The following KIF5C variants were observed in gnomAD, a reference collection of about 807,000 sequenced individuals.
KIF5C encodes kinesin family member 5C.
KIF5C carries 18 observed loss-of-function variants against 125.2 expected under a neutral mutation model. The ratio of observed to expected loss-of-function variants is 0.14; its 90% confidence interval spans 0.10 to 0.21. The LOEUF (loss-of-function observed/expected upper bound fraction) is 0.21, where lower values mean the gene tolerates loss of function less well. KIF5C is among the 10% of genes least tolerant of loss of function. KIF5C has a pLI of 1.00. For missense variants in KIF5C, 780 were observed against 1,183.8 expected, an observed-to-expected ratio of 0.66 and a Z score of 5.01; for synonymous variants, 405 against 434.0, an observed-to-expected ratio of 0.93 and a Z score of 0.83.
chr2:149,003,138 AG>A (rs1466437935), intron 21 of KIF5C, among the ~76,000 whole-genome samples: 1 of 152,178 alleles, frequency 6.6e-6, no homozygotes, highest in East Asian at 1.9e-4. Flanking sequence ...GGAGCCCTGC[AG>A]TGTATGCCGT....
intron 11 of KIF5C, among the ~76,000 whole-genome samples, chr2:148,970,250 A>G (rs1193231713): frequency 1.3e-5 from 2 of 152,214 alleles, no homozygotes; most frequent in Non-Finnish European, 2.9e-5. Flanking sequence ...AGCTCCAGCC[A>G]TAAAATTATC....
intron 22 of KIF5C, 121 bp from the exon 23 acceptor site, chr2:149,007,842 A>G (rs1377980921): frequency 2.8e-5 from 32 of 1,160,644 alleles, no homozygotes; most frequent in South Asian, 1.6e-4. Context: ...TAGAACCTCT[A>G]TTTTCACTTT....
chr2:148,933,350 T>C (rs1313752647), intron 3 of KIF5C, among the ~76,000 whole-genome samples: 4 of 152,040 alleles, frequency 2.6e-5, no homozygotes. Flanking sequence ...GTGTCTGGGC[T>C]GCGCATCTCA....
At chr2:148,936,535 G>T (rs911925039) in intron 3 of KIF5C, among the ~76,000 whole-genome samples, 6 of 152,120 alleles carry the variant, frequency 3.9e-5, no homozygotes, top group Admixed American at 1.3e-4. Flanking sequence ...AATCTTCAGG[G>T]GTGGCAAATT....
At chr2:149,019,332 T>G (rs146831320) in intron 25 of KIF5C, among the ~76,000 whole-genome samples, 1,568 of 152,234 alleles carry the variant, frequency 0.01, 26 homozygotes, top group African/African-American at 0.036. Context: ...TGGCAAAAAT[T>G]AGGCCCCCGT....
intron 11 of KIF5C, among the ~76,000 whole-genome samples, chr2:148,971,144 T>TG (rs1680890565): frequency 1.3e-5 from 2 of 152,160 alleles, no homozygotes; most frequent in South Asian, 4.1e-4. Flanking sequence ...TGAATTTCTC[T>TG]GGGGAAGGAA....
chr2:148,977,070 TA>T (rs147697580), intron 12 of KIF5C, among the ~76,000 whole-genome samples: 10 of 152,082 alleles, frequency 6.6e-5, no homozygotes, highest in Admixed American at 2.0e-4. Flanking sequence ...TGAAAGACTT[TA>T]AAAAAAATCA....
Position 148,942,659 on chromosome 2 carries a change from T to C in KIF5C, c.502-14T>C. ...AACTCTTTCAGTGGTGAACCTGAAC[T>C]GATTCTCTTCCAGGGGTGCACTGAG... is the stretch of plus-strand genomic sequence containing the variant. On this transcript the variant is annotated splice_polypyrimidine_tract_variant and intron_variant, in intron 6 of 25. Coordinates refer to ENST00000435030, the MANE Select transcript of KIF5C (RefSeq NM_004522.3). 6.2e-7 allele frequency: 1 copy of C among 1,604,880 alleles called. No homozygotes were observed. The highest frequency in any genetic ancestry group is 8.5e-7 in the Non-Finnish European group (1 of 1,175,800).
In KIF5C at chr2:149,020,950, C is replaced by T. The variant is rs531415097; in HGVS notation, c.*8-2128C>T. ...TGACTTCTAAAAATGACAGAAATAT[C>T]ACCCTCTAGGGTTGTTTAAGCCCTT... On this transcript the variant is annotated intron_variant, in intron 25 of 25. Coordinates refer to ENST00000435030, the MANE Select transcript of KIF5C (RefSeq NM_004522.3). Among the ~76,000 whole-genome samples, 18 of 152,342 alleles carry T rather than the reference C, an allele frequency of 1.2e-4. No individual in the cohort carries two copies. The South Asian group carries it at 3.3e-3, about 28-fold the overall frequency.
intron 4 of KIF5C, 56 bp from the exon 5 acceptor site, chr2:148,941,554 C>T: frequency 1.9e-6 from 3 of 1,547,330 alleles, no homozygotes; most frequent in South Asian, 2.4e-5. Context: ...CTAATAATGG[C>T]ATTTTTGAAA....
intron 23 of KIF5C, among the ~76,000 whole-genome samples, chr2:149,009,726 A>G (rs1486862264): frequency 6.6e-6 from 1 of 152,194 alleles, no homozygotes; most frequent in African/African-American, 2.4e-5. Flanking sequence ...GCTCAGGAAC[A>G]TGCTTGTTTT....
intron 3 of KIF5C, among the ~76,000 whole-genome samples, chr2:148,935,641 A>G (rs1682276070): frequency 6.6e-6 from 1 of 152,212 alleles, no homozygotes; most frequent in Non-Finnish European, 1.5e-5. Flanking sequence ...GATATATATT[A>G]ATTGTCAGGG....
At chr2:148,911,650 A>G (rs1681343547) in intron 1 of KIF5C, among the ~76,000 whole-genome samples, 1 of 152,158 alleles carries the variant, frequency 6.6e-6, no homozygotes, top group African/African-American at 2.4e-5. Context: ...TTAAGAGAAT[A>G]AGAAAACATA....
chr2:148,938,923 TA>T (rs544139186), intron 4 of KIF5C, among the ~76,000 whole-genome samples: 260 of 141,334 alleles, frequency 1.8e-3, no homozygotes, highest in East Asian at 2.0e-3. Context: ...CTGTCTCAAC[TA>T]AAAAAAAAAA....
intron 1 of KIF5C, among the ~76,000 whole-genome samples, chr2:148,911,948 G>T (rs1201838136): frequency 2.6e-5 from 4 of 152,042 alleles, no homozygotes; most frequent in Non-Finnish European, 5.9e-5. Context: ...TTCCTGCTTG[G>T]CTTGGGAAAC....
chr2:149,008,893 G>A (rs1353044241), intron 23 of KIF5C, among the ~76,000 whole-genome samples: 5 of 152,146 alleles, frequency 3.3e-5, no homozygotes, highest in Middle Eastern at 3.4e-3. Flanking sequence ...ACAAATTGTC[G>A]ATGAGAAATA....
At chr2:148,996,930 C>T (rs539934683) in intron 17 of KIF5C, among the ~76,000 whole-genome samples, 1 of 152,318 alleles carries the variant, frequency 6.6e-6, no homozygotes, top group African/African-American at 2.4e-5. Flanking sequence ...GGGCTGCTCA[C>T]AGAGACCAGG....
chr2:148,935,734 A>C (rs1469715641), intron 3 of KIF5C, among the ~76,000 whole-genome samples: 4 of 152,194 alleles, frequency 2.6e-5, no homozygotes, highest in African/African-American at 7.2e-5. Context: ...GAGTGATATA[A>C]TACTAACATT....
intron 14 of KIF5C, 22 bp from the exon 15 acceptor site, chr2:148,983,595 TTTG>T: frequency 6.5e-7 from 1 of 1,538,264 alleles, no homozygotes; most frequent in Non-Finnish European, 8.8e-7. Context: ...ACCCTTTGAA[TTTG>T]TTGTTGAAAT....
Sources: gnomAD v4.1 joint callset for allele counts (sites outside exome capture counted in the v4.1 genomes callset) on GRCh38, gnomAD v4.1.1 for gene constraint, MANE v1.5 for transcripts, NCBI Gene and HGNC (gene_info 2026-07-23, HGNC 2026-07-21) for gene names.